Variants in ERLIN1 observed in about 807,000 individuals in gnomAD.
The protein encoded by ERLIN1 is erlin-1.
Under a neutral mutation model 46.9 loss-of-function variants are expected in ERLIN1, and 24 were observed. That is an observed-to-expected ratio of 0.51 (90% CI 0.37 to 0.72). ERLIN1 has a LOEUF of 0.72. Among genes scored for constraint, ERLIN1 ranks in the 30% least tolerant of loss-of-function variants. The pLI is 0.00. For missense variants in ERLIN1, 293 were observed against 417.9 expected, an observed-to-expected ratio of 0.70 and a Z score of 2.61; for synonymous variants, 158 against 143.2, an observed-to-expected ratio of 1.10 and a Z score of -0.74.
intron 2 of ERLIN1, 32 bp downstream of exon 2, chr10:100,183,724 T>C: frequency 6.8e-7 from 1 of 1,463,718 alleles, no homozygotes; most frequent in Non-Finnish European, 9.5e-7. Context: ...CCTGTCTATC[T>C]GGTATGGAGG....
Position 100,151,915 on chromosome 10 carries a change from A to G in ERLIN1, c.*216T>C. The stretch of plus-strand genomic sequence containing the variant: ...TGAGTAGCAGTTTAGAAAGGAATAC[A>G]TATAGGATACTTGATAAGACTGTGG... On this transcript the variant is annotated 3_prime_UTR_variant, in exon 11 of 11. Transcript: ENST00000421367. 1 of 601,238 alleles carries G rather than the reference A, an allele frequency of 1.7e-6. No homozygotes were observed. Among genetic ancestry groups the G allele is most frequent in the Non-Finnish European group, 3.0e-6 (1 of 332,596 alleles). 37.2% of individuals were successfully genotyped at this position (601,238 alleles called of 1,614,324 possible).
chr10:100,154,925 C>A lies in ERLIN1; in HGVS notation c.760G>T (p.Ala254Ser), dbSNP rs752175424. ...GCATCTGCTTTCGCTTTCTCTCGGG[C>A]CAGGAATGCAGCATCTAGCAAATAA... ...ISEIEDAAFLAREKAKADAEY... is the reference protein window; with the variant it reads ...ISEIEDAAFLSREKAKADAEY... Residue 254 changes from alanine (A) to serine (S), a missense_variant, in exon 10 of 11, where the codon GCC (alanine) becomes TCC (serine). Coordinates refer to ENST00000421367, the MANE Select transcript of ERLIN1 (RefSeq NM_006459.4). 112 of 1,613,614 alleles carry A rather than the reference C, an allele frequency of 6.9e-5. No individual in the cohort carries two copies. The highest frequency in any genetic ancestry group is 5.7e-4 in the Admixed American group (34 of 59,998).
intron 8 of ERLIN1, among the ~76,000 whole-genome samples, chr10:100,157,145 A>G (rs1843123980): frequency 6.6e-6 from 1 of 152,186 alleles, no homozygotes; most frequent in South Asian, 2.1e-4. Flanking sequence ...GGGCTAGGAG[A>G]CCTCTGTCTT....
chr10:100,176,574 A>T (rs939161279), intron 4 of ERLIN1, among the ~76,000 whole-genome samples: 1 of 152,182 alleles, frequency 6.6e-6, no homozygotes, highest in African/African-American at 2.4e-5. Flanking sequence ...TAAAAAGGCA[A>T]TTTTTTAAAG....
At position 100,182,190 on chromosome 10, in the gene ERLIN1, ATTT is replaced by A. The variant is rs765187061; in HGVS notation, c.195+1563_195+1565del. Among the ~76,000 whole-genome samples, 8 of 127,122 alleles carry A rather than the reference ATTT, an allele frequency of 6.3e-5. 1 individual carries two copies. The highest frequency in any genetic ancestry group is 2.4e-4 in the Admixed American group (3 of 12,568). 83.4% of individuals were successfully genotyped at this position (127,122 alleles called of 152,430 possible). A position where few individuals can be genotyped will look rare whatever the true frequency, so the allele number is the denominator to read the frequency against. ...ACAAGATCTATTTGTTAGAGCCTTG[ATTT>A]TTTTTTTTTTTTTTTTTTAAGAGAC... On this transcript the variant is annotated intron_variant, in intron 2 of 10. Transcript: ENST00000421367.
chr10:100,164,482 C>T (rs1843527437), intron 7 of ERLIN1, among the ~76,000 whole-genome samples: 1 of 152,236 alleles, frequency 6.6e-6, no homozygotes, highest in Non-Finnish European at 1.5e-5. Flanking sequence ...TTCTACAGTC[C>T]TGCAGGTGCA....
chr10:100,165,490 C>T (rs1843580777), intron 7 of ERLIN1, among the ~76,000 whole-genome samples: 4 of 151,418 alleles, frequency 2.6e-5, no homozygotes, highest in Admixed American at 2.6e-4. Context: ...GAGTTCACGC[C>T]ATTCTCCTGC....
intron 7 of ERLIN1, among the ~76,000 whole-genome samples, chr10:100,164,434 C>T (rs1412591534): frequency 6.6e-6 from 1 of 152,222 alleles, no homozygotes; most frequent in Non-Finnish European, 1.5e-5. Context: ...CTAGTCCATA[C>T]AGCAGCTCTG....
intron 4 of ERLIN1, 93 bp from the exon 5 acceptor site, chr10:100,176,163 C>A: frequency 9.1e-7 from 1 of 1,101,384 alleles, no homozygotes; most frequent in Non-Finnish European, 1.2e-6. Flanking sequence ...TGATATATTA[C>A]ACATGAGGAA....
At position 100,150,839 on chromosome 10, in the gene ERLIN1, A is replaced by G. The variant is rs1842767512; in HGVS notation, c.*1292T>C. The stretch of plus-strand genomic sequence containing the variant: ...AAACTGAAGGAAAAAAAGGGTCCAC[A>G]TGAAGTAGGTCTCCTAATGCCACAG... On this transcript the variant is annotated 3_prime_UTR_variant, in exon 11 of 11. Transcript: ENST00000421367. 1.3e-5 allele frequency: 2 copies of G among 152,268 alleles called. No homozygotes were observed. Among genetic ancestry groups the G allele is most frequent in the Non-Finnish European group, 1.5e-5 (1 of 68,056 alleles). 9.4% of individuals were successfully genotyped at this position (152,268 alleles called of 1,614,324 possible).
chr10:100,165,608 G>C (rs924480011), intron 7 of ERLIN1, among the ~76,000 whole-genome samples: 1 of 151,954 alleles, frequency 6.6e-6, no homozygotes, highest in Non-Finnish European at 1.5e-5. Context: ...GGATGGTCTC[G>C]ATCTCCTGAC....
At chr10:100,172,417 CTT>C (rs1209965904) in intron 6 of ERLIN1, among the ~76,000 whole-genome samples, 1 of 152,144 alleles carries the variant, frequency 6.6e-6, no homozygotes, top group African/African-American at 2.4e-5. Flanking sequence ...TAGTATCTAA[CTT>C]TTTTCTACAA....
intron 8 of ERLIN1, among the ~76,000 whole-genome samples, chr10:100,156,790 A>C (rs1324613427): frequency 6.6e-6 from 1 of 152,216 alleles, no homozygotes; most frequent in East Asian, 1.9e-4. Flanking sequence ...AGGCAGGAGG[A>C]TCTCTTAAGC....
intron 10 of ERLIN1, among the ~76,000 whole-genome samples, chr10:100,154,253 A>G (rs1263939171): frequency 6.6e-6 from 1 of 152,074 alleles, no homozygotes; most frequent in Non-Finnish European, 1.5e-5. Flanking sequence ...CCTATATATC[A>G]CCCAACCTGC....
At chr10:100,181,576 A>G (rs1361520513) in intron 2 of ERLIN1, among the ~76,000 whole-genome samples, 1 of 141,574 alleles carries the variant, frequency 7.1e-6, no homozygotes, top group East Asian at 2.1e-4. Flanking sequence ...GTGCAAGGGT[A>G]CGATCTCGGC....
At chr10:100,171,226 C>A (rs1343990656) in intron 6 of ERLIN1, among the ~76,000 whole-genome samples, 1 of 151,942 alleles carries the variant, frequency 6.6e-6, no homozygotes, top group Non-Finnish European at 1.5e-5. Flanking sequence ...AACATGAACA[C>A]TTCAAAGTTA....
chr10:100,185,528 C>T lies in ERLIN1; in HGVS notation c.99G>A (p.Leu33=). ...ASIHKIEEGH[L]AVYYRGGALL... Reference sequence around the variant, plus strand: ...ATGCCGCTCACCTGTAGTACACAGCCAGATGGCCCTCCTCAATCTTGTGGA... The same window carrying T: ...ATGCCGCTCACCTGTAGTACACAGCTAGATGGCCCTCCTCAATCTTGTGGA... Residue 33 remains leucine, a synonymous_variant, in exon 1 of 11, where the codon CTG becomes CTA. Transcript: ENST00000421367. 6.2e-7 allele frequency: 1 copy of T among 1,613,370 alleles called. No individual in the cohort carries two copies. The highest frequency in any genetic ancestry group is 8.5e-7 in the Non-Finnish European group (1 of 1,179,270).
rs76979617 is a variant in ERLIN1 at position 100,161,501 on chromosome 10, C to T, written c.655+2503G>A. The stretch of plus-strand genomic sequence containing the variant: ...TTTTCTCCAAATTGATGCATACATT[C>T]AATGCAATTCCAATCAAAATCCCAA... On this transcript the variant is annotated intron_variant, in intron 8 of 10. Transcript: ENST00000421367. Among the ~76,000 whole-genome samples the T allele has an allele frequency of 2.8e-3, 419 of 152,224 alleles. 11 individuals carry two copies. The East Asian group carries it at 0.054, about 20-fold the overall frequency.
At chr10:100,183,896 C>A in intron 1 of ERLIN1, 59 bp from the exon 2 acceptor site, 1 of 1,231,108 alleles carries the variant, frequency 8.1e-7, no homozygotes, top group Non-Finnish European at 1.2e-6. Flanking sequence ...CTTTCCAAAT[C>A]TAAAATGCTA....
Sources: gnomAD v4.1 joint callset for allele counts (sites outside exome capture counted in the v4.1 genomes callset) on GRCh38, gnomAD v4.1.1 for gene constraint, MANE v1.5 for transcripts, NCBI Gene and HGNC (gene_info 2026-07-23, HGNC 2026-07-21) for gene names.